The following DPP6 variants were observed in gnomAD, a reference collection of about 807,000 sequenced individuals.
DPP6 encodes the protein A-type potassium channel modulatory protein DPP6.
A neutral mutation model predicts 122.6 loss-of-function variants in DPP6; 69 were observed. The ratio of observed to expected loss-of-function variants is 0.56; its 90% CI spans 0.46 to 0.69. The LOEUF (loss-of-function observed/expected upper bound fraction) is 0.69. Ranked by LOEUF, DPP6 falls within the 30% of genes least tolerant of loss-of-function variation. DPP6 has a pLI of 0.00. For missense variants in DPP6, 928 were observed against 1,116.9 expected, an observed-to-expected ratio of 0.83 and a Z score of 2.41; for synonymous variants, 418 against 433.1, an observed-to-expected ratio of 0.97 and a Z score of 0.43.
chr7:154,361,804 GA>G (rs1811749906), intron 1 of DPP6, among the ~76,000 whole-genome samples: 1 of 152,196 alleles, frequency 6.6e-6, no homozygotes, highest in Non-Finnish European at 1.5e-5. Flanking sequence ...CATTATGAAG[GA>G]GGCATTATCA....
chr7:154,485,542 G>A lies in DPP6; in HGVS notation c.457+10505G>A, dbSNP rs1256332508. ...GTTTCAACAGTATCCTGTCTGCACG[G>A]CCAGGCTTATCCTTAAATGCATCTT... On this transcript the variant is annotated intron_variant, in intron 3 of 25. Coordinates refer to ENST00000377770, the MANE Select transcript of DPP6 (RefSeq NM_130797.4). 2.0e-5 allele frequency among the ~76,000 whole-genome samples: 3 copies of A among 152,222 alleles called. No homozygotes were observed. The East Asian group carries it at 5.8e-4, about 29-fold the overall frequency.
chr7:154,751,609 CAAAAA>C (rs11339562), intron 8 of DPP6, among the ~76,000 whole-genome samples: 2 of 87,386 alleles, frequency 2.3e-5, no homozygotes, highest in Admixed American at 1.3e-4. Flanking sequence ...GACTCTGTCT[CAAAAA>C]AAAAAAAAAA....
intron 18 of DPP6, among the ~76,000 whole-genome samples, chr7:154,872,031 T>A (rs1804442301): frequency 6.6e-6 from 1 of 152,136 alleles, no homozygotes; most frequent in Non-Finnish European, 1.5e-5. Context: ...GGCTGTACCA[T>A]CCTTCCCTGG....
chr7:154,817,513 G>T (rs990962467), intron 16 of DPP6, among the ~76,000 whole-genome samples: 3 of 152,000 alleles, frequency 2.0e-5, no homozygotes, highest in African/African-American at 7.3e-5. Context: ...ATGTCATGAG[G>T]GTCATGAGTG....
At chr7:154,266,285 A>G (rs1803413706) in intron 1 of DPP6, among the ~76,000 whole-genome samples, 2 of 152,170 alleles carry the variant, frequency 1.3e-5, no homozygotes, top group Non-Finnish European at 2.9e-5. Flanking sequence ...CTTGAAATCA[A>G]TCTGTCTTAT....
chr7:154,027,147 G>C (rs1400737353), intron 1 of DPP6: 1 of 148,404 alleles, frequency 6.7e-6, no homozygotes, highest in Non-Finnish European at 1.5e-5. Context: ...CATAGCATGA[G>C]TACTTTTAAA....
intron 5 of DPP6, among the ~76,000 whole-genome samples, chr7:154,583,212 G>A (rs1224342880): frequency 2.6e-5 from 4 of 152,240 alleles, no homozygotes; most frequent in African/African-American, 4.8e-5. Context: ...AACAACAGAC[G>A]TGTGTATCTC....
At chr7:154,124,978 A>C (rs1303921483) in intron 1 of DPP6, among the ~76,000 whole-genome samples, 1 of 152,214 alleles carries the variant, frequency 6.6e-6, no homozygotes. Context: ...AGAGATCCCA[A>C]CAGAGGGGGC....
rs964064598 is a variant in DPP6, at chr7:154,529,486, T to C, written c.458-11046T>C. On this transcript the variant is annotated intron_variant, in intron 3 of 25. Transcript: ENST00000377770. ...AATGTCCAGAAATTAATATCCATAA[T>C]GTCTAGGATATAATCCAAAATTACT... is the stretch of plus-strand genomic sequence containing the variant. Among the ~76,000 whole-genome samples, 3 of 152,290 alleles carry C rather than the reference T, an allele frequency of 2.0e-5. No homozygotes were observed. In the East Asian group the frequency reaches 5.8e-4, roughly 29 times the overall value.
At chr7:154,406,756 G>A (rs558206391) in intron 1 of DPP6, among the ~76,000 whole-genome samples, 270 of 152,292 alleles carry the variant, frequency 1.8e-3, no homozygotes, top group Middle Eastern at 3.4e-3. Flanking sequence ...ACCCTGGATA[G>A]GTCAGTTATT....
chr7:153,882,693 C>G (rs1051499444), upstream of DPP6, among the ~76,000 whole-genome samples: 1 of 151,778 alleles, frequency 6.6e-6, no homozygotes, highest in Non-Finnish European at 1.5e-5. Flanking sequence ...CAGAATTAAA[C>G]ACATGCCAGG....
chr7:153,993,494 G>A (rs748649326), intron 1 of DPP6, among the ~76,000 whole-genome samples: 7 of 152,166 alleles, frequency 4.6e-5, no homozygotes, highest in Non-Finnish European at 8.8e-5. Flanking sequence ...TGTATTCTTC[G>A]TGATGTATCA....
At chr7:154,859,920 C>T (rs111515250) in intron 17 of DPP6, among the ~76,000 whole-genome samples, 1,833 of 152,258 alleles carry the variant, frequency 0.012, 17 homozygotes, top group Middle Eastern at 0.014. Flanking sequence ...GTGCGTGTGG[C>T]GGGGTTGAAG....
chr7:154,276,081 G>A (rs554851703), intron 1 of DPP6, among the ~76,000 whole-genome samples: 10 of 152,200 alleles, frequency 6.6e-5, no homozygotes, highest in African/African-American at 2.4e-4. Context: ...TCCAGGCTAC[G>A]CTGTGCATGA....
chr7:154,385,776 T>C (rs1318684508), intron 1 of DPP6, among the ~76,000 whole-genome samples: 1 of 152,150 alleles, frequency 6.6e-6, no homozygotes, highest in East Asian at 1.9e-4. Context: ...CAGCGAGTAT[T>C]CACAGAGAAA....
At chr7:154,138,070 C>T (rs1001229209) in intron 1 of DPP6, among the ~76,000 whole-genome samples, 3 of 152,214 alleles carry the variant, frequency 2.0e-5, no homozygotes, top group African/African-American at 7.2e-5. Flanking sequence ...CTGGCTTCTG[C>T]TCCCAATCTG....
At chr7:154,429,755 C>T (rs935584077) in intron 1 of DPP6, among the ~76,000 whole-genome samples, 1 of 152,110 alleles carries the variant, frequency 6.6e-6, no homozygotes, top group African/African-American at 2.4e-5. Flanking sequence ...CCTGGAGTAC[C>T]GGGGTTAGGC....
At chr7:154,724,683 C>A (rs564398644) in intron 7 of DPP6, among the ~76,000 whole-genome samples, 2 of 152,022 alleles carry the variant, frequency 1.3e-5, no homozygotes, top group Non-Finnish European at 2.9e-5. Context: ...TCTTGCCCCT[C>A]CTGTATGATT....
At chr7:153,956,295 G>A (rs1544529) in intron 1 of DPP6, among the ~76,000 whole-genome samples, 54,115 of 151,720 alleles carry the variant, frequency 0.36, 10,430 homozygotes, top group East Asian at 0.59. Flanking sequence ...GGCTGACCAC[G>A]GAGAGGCAGG....
Sources: gnomAD v4.1 joint callset for allele counts (sites outside exome capture counted in the v4.1 genomes callset) on GRCh38, gnomAD v4.1.1 for gene constraint, MANE v1.5 for transcripts, NCBI Gene and HGNC (gene_info 2026-07-23, HGNC 2026-07-21) for gene names.